INSYN2B: variants seen among roughly 807,000 people sequenced by gnomAD.
The protein encoded by INSYN2B is inhibitory synaptic factor family member 2B, also known as protein INSYN2B.
Under a neutral mutation model 41.2 loss-of-function variants are expected in INSYN2B, and 16 were observed. The observed-to-expected ratio is 0.39, with a 90% confidence interval of 0.26 to 0.59. The LOEUF (loss-of-function observed/expected upper bound fraction) is 0.59. INSYN2B is among the 20% of genes least tolerant of loss of function. The pLI is 0.57. For synonymous variants in INSYN2B, 245 were observed against 244.4 expected (o/e 1.00, Z -0.02); for missense variants, 608 against 646.4 (o/e 0.94, Z 0.64).
intron 1 of INSYN2B, among the ~76,000 whole-genome samples, chr5:169,895,938 G>A (rs1773573440): frequency 6.6e-6 from 1 of 152,148 alleles, no homozygotes; most frequent in Non-Finnish European, 1.5e-5. Flanking sequence ...GCCTGGAGAT[G>A]TCCCCGATTA....
In INSYN2B at chr5:169,927,863, G is replaced by A. The variant is rs558107905; in HGVS notation, c.-918-43047C>T. On this transcript the variant is annotated intron_variant, in intron 1 of 3. Transcript: ENST00000377365. Reference sequence around the variant, plus strand: ...AATCTCCTGACCTCATGATCCACCCGTCTCGGCCTCCCAAAGTGCTGGGAT... The same window carrying A: ...AATCTCCTGACCTCATGATCCACCCATCTCGGCCTCCCAAAGTGCTGGGAT... Among the ~76,000 whole-genome samples the A allele has an allele frequency of 3.9e-5, 6 of 152,222 alleles. No individual in the cohort carries two copies. The South Asian group carries it at 6.2e-4, about 16-fold the overall frequency.
intron 1 of INSYN2B, among the ~76,000 whole-genome samples, chr5:169,887,368 GA>G (rs1460954032): frequency 2.0e-5 from 3 of 151,966 alleles, no homozygotes; most frequent in Non-Finnish European, 2.9e-5. Flanking sequence ...ACAACAAAAG[GA>G]AGAAAAAAAT....
intron 1 of INSYN2B, among the ~76,000 whole-genome samples, chr5:169,903,062 T>C (rs985256591): frequency 3.3e-5 from 5 of 150,968 alleles, no homozygotes; most frequent in South Asian, 2.1e-4. Context: ...CACGCCACTG[T>C]ACTCCAGCCT....
chr5:169,884,041 GA>G lies in INSYN2B; in HGVS notation c.-144del, dbSNP rs1772829734. On this transcript the variant is annotated 5_prime_UTR_variant, in exon 2 of 4. The change creates a premature stop within an existing upstream ORF in the 5' untranslated region. Transcript: ENST00000377365. ...GAGTGGTCCTCTCCTCTTAGTATGGGAAATCCTGTTGGCCATTCCCAGCCTC... is the reference window on the plus strand; with the variant it reads ...GAGTGGTCCTCTCCTCTTAGTATGGGAATCCTGTTGGCCATTCCCAGCCTC... The G allele has an allele frequency of 4.3e-6, 3 of 704,336 alleles. No individual in the cohort carries two copies. Among genetic ancestry groups the G allele is most frequent in the Non-Finnish European group, 6.3e-6 (3 of 473,394 alleles). The allele number at this position is 704,336 out of a possible 1,614,324, so 43.6% of individuals were successfully genotyped here. A position where few individuals can be genotyped will look rare whatever the true frequency, so the allele number is the denominator to read the frequency against.
intron 1 of INSYN2B, among the ~76,000 whole-genome samples, chr5:169,933,389 T>C (rs1428162037): frequency 6.6e-6 from 1 of 152,202 alleles, no homozygotes; most frequent in Non-Finnish European, 1.5e-5. Context: ...TGGGCTGGCA[T>C]CCAAGGTCCT....
At chr5:169,952,486 G>C (rs1776702111) in intron 1 of INSYN2B, among the ~76,000 whole-genome samples, 1 of 152,040 alleles carries the variant, frequency 6.6e-6, no homozygotes. Flanking sequence ...CAGGTGACCT[G>C]TTTTTCTTAA....
chr5:169,881,669 G>A (rs1007005999), intron 2 of INSYN2B, among the ~76,000 whole-genome samples: 9 of 152,274 alleles, frequency 5.9e-5, no homozygotes, highest in South Asian at 2.1e-4. Flanking sequence ...TTTTCATGCT[G>A]ACAACAATCC....
chr5:169,900,703 T>G (rs137898191), intron 1 of INSYN2B, among the ~76,000 whole-genome samples: 30 of 152,320 alleles, frequency 2.0e-4, no homozygotes, highest in Non-Finnish European at 3.7e-4. Flanking sequence ...AAGCTAATTA[T>G]GACTTAATGT....
At chr5:169,889,086 C>A (rs148254404) in intron 1 of INSYN2B, among the ~76,000 whole-genome samples, 1 of 152,266 alleles carries the variant, frequency 6.6e-6, no homozygotes, top group East Asian at 1.9e-4. Flanking sequence ...TACCCCTCCG[C>A]TTGACACAGA....
At position 169,900,030 on chromosome 5, in the gene INSYN2B, C is replaced by A. The variant is rs185383878; in HGVS notation, c.-918-15214G>T. On this transcript the variant is annotated intron_variant, in intron 1 of 3. Coordinates refer to ENST00000377365, the MANE Select transcript of INSYN2B (RefSeq NM_001129891.3). Reference sequence around the variant, plus strand: ...TCCAGCACTCGAAACCACAAGCTGTCTTTTCTCTTCTTTCCTCCTTCCCTC... The same window carrying A: ...TCCAGCACTCGAAACCACAAGCTGTATTTTCTCTTCTTTCCTCCTTCCCTC... Among the ~76,000 whole-genome samples, 64 of 152,326 alleles carry A rather than the reference C, an allele frequency of 4.2e-4. 1 individual carries two copies. The highest frequency in any genetic ancestry group is 1.5e-3 in the African/African-American group (64 of 41,572).
chr5:169,967,054 C>A (rs1777328134), intron 1 of INSYN2B, among the ~76,000 whole-genome samples: 1 of 152,206 alleles, frequency 6.6e-6, no homozygotes, highest in African/African-American at 2.4e-5. Context: ...TCCTATGTGC[C>A]AGGCACTGTG....
chr5:169,968,646 A>T (rs1777387475), intron 1 of INSYN2B, among the ~76,000 whole-genome samples: 1 of 152,184 alleles, frequency 6.6e-6, no homozygotes, highest in Admixed American at 6.5e-5. Context: ...AACTGCAGAG[A>T]GACTGAGTCT....
At chr5:169,971,531 ACAGTT>A (rs1362422335) in intron 1 of INSYN2B, among the ~76,000 whole-genome samples, 9 of 151,980 alleles carry the variant, frequency 5.9e-5, no homozygotes, top group Admixed American at 6.5e-5. Context: ...AGCTTTTCAA[ACAGTT>A]ATCTCTGAGT....
chr5:169,868,483 G>T (rs59272885), intron 3 of INSYN2B, among the ~76,000 whole-genome samples: 1 of 152,194 alleles, frequency 6.6e-6, no homozygotes, highest in African/African-American at 2.4e-5. Context: ...AATAGGCTGG[G>T]CGCAGTGGCT....
At chr5:169,975,498 A>G (rs1238987143) in intron 1 of INSYN2B, among the ~76,000 whole-genome samples, 1 of 152,088 alleles carries the variant, frequency 6.6e-6, no homozygotes, top group African/African-American at 2.4e-5. Context: ...CCTCAGTCAT[A>G]CCTTTCCACC....
intron 1 of INSYN2B, among the ~76,000 whole-genome samples, chr5:169,900,846 G>A (rs1319300184): frequency 6.6e-6 from 1 of 152,028 alleles, no homozygotes; most frequent in Non-Finnish European, 1.5e-5. Flanking sequence ...AGCCTGCCTG[G>A]AATTGACTGT....
chr5:169,878,293 C>A (rs1414276289), intron 3 of INSYN2B, among the ~76,000 whole-genome samples: 1 of 151,590 alleles, frequency 6.6e-6, no homozygotes, highest in Non-Finnish European at 1.5e-5. Context: ...TTGCAAGATT[C>A]CCCATACCAT....
In INSYN2B at chr5:169,958,210, T is replaced by C. The variant is rs1378905155; in HGVS notation, c.-919+22067A>G. Among the ~76,000 whole-genome samples the C allele has an allele frequency of 2.5e-5, 3 of 121,124 alleles. No homozygotes were observed. The South Asian group carries it at 9.1e-4, about 37-fold the overall frequency. 79.5% of individuals were successfully genotyped at this position (121,124 alleles called of 152,430 possible). ...GCCTGGCTAAATGGAACACAGATAATCTGGAAACTTTGTTTTGCAAAAAAA... is the reference window on the plus strand; with the variant it reads ...GCCTGGCTAAATGGAACACAGATAACCTGGAAACTTTGTTTTGCAAAAAAA... On this transcript the variant is annotated intron_variant, in intron 1 of 3. Transcript: ENST00000377365.
intron 1 of INSYN2B, among the ~76,000 whole-genome samples, chr5:169,957,431 T>A (rs1197219945): frequency 6.6e-6 from 1 of 152,208 alleles, no homozygotes; most frequent in Non-Finnish European, 1.5e-5. Flanking sequence ...TTAGTACTAC[T>A]TTTTCTGTGT....
Sources: gnomAD v4.1 joint callset for allele counts (sites outside exome capture counted in the v4.1 genomes callset) on GRCh38, gnomAD v4.1.1 for gene constraint, MANE v1.5 for transcripts, NCBI Gene and HGNC (gene_info 2026-07-23, HGNC 2026-07-21) for gene names.